CDH13: variants seen among roughly 807,000 people sequenced by gnomAD.
The protein encoded by CDH13 is cadherin-13.
A neutral mutation model predicts 63.8 loss-of-function variants in CDH13; 24 were observed. That is an observed-to-expected ratio of 0.38 (90% CI 0.27 to 0.53). The LOEUF (loss-of-function observed/expected upper bound fraction) is 0.53, where lower values mean the gene tolerates loss of function less well. CDH13 is among the 20% of genes least tolerant of loss of function. The pLI is 0.85. For missense variants in CDH13, 1,049 were observed against 903.1 expected (o/e 1.16, Z -2.07); for synonymous variants, 503 against 355.3 (o/e 1.42, Z -4.67).
chr16:83,046,803 A>G (rs1465208469), intron 3 of CDH13, among the ~76,000 whole-genome samples: 1 of 152,080 alleles, frequency 6.6e-6, no homozygotes, highest in Non-Finnish European at 1.5e-5. Context: ...CCCTGGTGCC[A>G]CCCTTCCTCT....
intron 1 of CDH13, among the ~76,000 whole-genome samples, chr16:82,761,672 C>T (rs1245352014): frequency 6.6e-6 from 1 of 152,198 alleles, no homozygotes; most frequent in African/African-American, 2.4e-5. Flanking sequence ...ATATTTTTCA[C>T]TTGTTTCATA....
At chr16:83,781,611 A>G (rs2151009818) in intron 12 of CDH13, among the ~76,000 whole-genome samples, 1 of 152,288 alleles carries the variant, frequency 6.6e-6, no homozygotes. Flanking sequence ...TGCTTTTTAA[A>G]TAATGAATTC....
chr16:83,006,297 C>T (rs533389223), intron 2 of CDH13, among the ~76,000 whole-genome samples: 1 of 152,326 alleles, frequency 6.6e-6, no homozygotes. Context: ...TACAACCTTT[C>T]CTTAATACAG....
chr16:82,698,422 A>C (rs1206722935), intron 1 of CDH13, among the ~76,000 whole-genome samples: 1 of 152,244 alleles, frequency 6.6e-6, no homozygotes, highest in Non-Finnish European at 1.5e-5. Context: ...GACAACTACA[A>C]AACCTTGGTA....
At chr16:82,720,916 C>G (rs1196067260) in intron 1 of CDH13, among the ~76,000 whole-genome samples, 2 of 152,120 alleles carry the variant, frequency 1.3e-5, no homozygotes, top group African/African-American at 2.4e-5. Flanking sequence ...TCAGTAAATA[C>G]TAACTGAATA....
intron 6 of CDH13, among the ~76,000 whole-genome samples, chr16:83,457,032 G>T (rs1156341426): frequency 6.6e-6 from 1 of 152,174 alleles, no homozygotes; most frequent in South Asian, 2.1e-4. Context: ...GCAAGAGGCA[G>T]GTTACTAGGG....
intron 6 of CDH13, among the ~76,000 whole-genome samples, chr16:83,385,656 C>A (rs1272425825): frequency 6.6e-6 from 1 of 152,116 alleles, no homozygotes; most frequent in Non-Finnish European, 1.5e-5. Flanking sequence ...TTTGCTCAGC[C>A]CAAGAATGAA....
At chr16:82,981,721 T>G (rs1910287059) in intron 2 of CDH13, among the ~76,000 whole-genome samples, 1 of 152,234 alleles carries the variant, frequency 6.6e-6, no homozygotes, top group South Asian at 2.1e-4. Flanking sequence ...TATGTTTCTA[T>G]GCATCTCCTC....
At chr16:82,633,076 C>T (rs2150870186) in intron 1 of CDH13, among the ~76,000 whole-genome samples, 1 of 152,290 alleles carries the variant, frequency 6.6e-6, no homozygotes, top group South Asian at 2.1e-4. Flanking sequence ...CTTTTGCTTG[C>T]TCACGGGCCA....
intron 5 of CDH13, among the ~76,000 whole-genome samples, chr16:83,287,583 C>T (rs193075481): frequency 8.5e-5 from 13 of 152,334 alleles, no homozygotes; most frequent in Non-Finnish European, 1.3e-4. Context: ...TGGTCTGTCA[C>T]TGTCTCCCAT....
At chr16:83,389,726 C>G (rs1425571152) in intron 6 of CDH13, among the ~76,000 whole-genome samples, 1 of 152,164 alleles carries the variant, frequency 6.6e-6, no homozygotes, top group Non-Finnish European at 1.5e-5. Flanking sequence ...CCCTCAAACT[C>G]CAATGAATTA....
rs1364615190 is a variant in CDH13, at chr16:82,824,725, T to A, written c.46-33637T>A. The A allele has an allele frequency of 2.6e-5, 4 of 152,182 alleles. No homozygotes were observed. The East Asian group carries it at 7.7e-4, about 29-fold the overall frequency. 9.4% of individuals were successfully genotyped at this position (152,182 alleles called of 1,614,324 possible). A position where few individuals can be genotyped will look rare whatever the true frequency, so the allele number is the denominator to read the frequency against. ...CGATGTTGCAAAGACAAAAGAATTA[T>A]ACATGAACAGGAGGCTGGATGAATT... On this transcript the variant is annotated intron_variant, in intron 1 of 13. Transcript: ENST00000567109.
At chr16:83,204,304 G>C (rs1033871990) in intron 4 of CDH13, among the ~76,000 whole-genome samples, 2 of 152,224 alleles carry the variant, frequency 1.3e-5, no homozygotes, top group African/African-American at 2.4e-5. Context: ...GGCAAGGTTT[G>C]TGGGACTCAG....
At chr16:82,642,342 A>G (rs1909514760) in intron 1 of CDH13, among the ~76,000 whole-genome samples, 1 of 152,216 alleles carries the variant, frequency 6.6e-6, no homozygotes. Flanking sequence ...CCATTAAAGT[A>G]CAGTAGGCGT....
At chr16:82,846,976 C>A (rs933262075) in intron 1 of CDH13, among the ~76,000 whole-genome samples, 1 of 152,124 alleles carries the variant, frequency 6.6e-6, no homozygotes, top group African/African-American at 2.4e-5. Flanking sequence ...ACACTCATTG[C>A]CACATCCTGA....
intron 4 of CDH13, among the ~76,000 whole-genome samples, chr16:83,175,758 G>A (rs939835985): frequency 6.7e-6 from 1 of 148,560 alleles, no homozygotes; most frequent in South Asian, 2.2e-4. Flanking sequence ...CTTCCTTTAT[G>A]TAAATGTGTA....
At chr16:82,794,673 GC>G (rs1370341697) in intron 1 of CDH13, among the ~76,000 whole-genome samples, 1 of 152,096 alleles carries the variant, frequency 6.6e-6, no homozygotes, top group Non-Finnish European at 1.5e-5. Flanking sequence ...TAGTTATGTT[GC>G]CATGCCTTAG....
At chr16:83,256,659 G>A (rs113561616) in intron 5 of CDH13, among the ~76,000 whole-genome samples, 1,858 of 114,856 alleles carry the variant, frequency 0.016, 14 homozygotes, top group Non-Finnish European at 0.023. Flanking sequence ...GTGAAACCCC[G>A]TCTCTACTAA....
chr16:83,754,382 C>T (rs900968532), intron 11 of CDH13, among the ~76,000 whole-genome samples: 2 of 152,166 alleles, frequency 1.3e-5, no homozygotes, highest in African/African-American at 4.8e-5. Flanking sequence ...CCATGCCCAG[C>T]AACAGGAGTA....
Sources: allele counts gnomAD v4.1 joint callset (sites outside exome capture counted in the v4.1 genomes callset), GRCh38; gene constraint gnomAD v4.1.1; transcripts MANE v1.5; gene names NCBI Gene and HGNC (gene_info 2026-07-23, HGNC 2026-07-21).